The following PPP4R4 variants were observed in gnomAD, a reference collection of about 807,000 sequenced individuals.
PPP4R4 encodes serine/threonine-protein phosphatase 4 regulatory subunit 4.
Under a neutral mutation model 121.8 loss-of-function variants are expected in PPP4R4, and 70 were observed. The observed-to-expected ratio is 0.57, with a 90% CI of 0.47 to 0.70. PPP4R4 has a LOEUF of 0.70. Among genes scored for constraint, PPP4R4 ranks in the 30% least tolerant of loss-of-function variants. The probability of loss-of-function intolerance (pLI) is 0.00; values close to 1 mark genes in which losing one functional copy is unlikely to be tolerated. For missense variants in PPP4R4, 875 were observed against 1,033.6 expected (o/e 0.85, Z 2.10); for synonymous variants, 348 against 355.7 (o/e 0.98, Z 0.24).
intron 3 of PPP4R4, among the ~76,000 whole-genome samples, chr14:94,214,554 A>G (rs1292041236): frequency 6.6e-6 from 1 of 151,944 alleles, no homozygotes; most frequent in East Asian, 1.9e-4. Context: ...GGAAAAAATA[A>G]TAATTTCTCC....
In PPP4R4 at chr14:94,278,965, T is replaced by G. The variant is rs1426449004; in HGVS notation, c.*322T>G. 1 of 179,266 alleles carries G rather than the reference T, an allele frequency of 5.6e-6. No individual in the cohort carries two copies. Among genetic ancestry groups the G allele is most frequent in the Admixed American group, 6.2e-5 (1 of 16,050 alleles). 11.1% of individuals were successfully genotyped at this position (179,266 alleles called of 1,614,324 possible). The stretch of plus-strand genomic sequence containing the variant: ...GCAAAAGAGACAAGTCTGCATTTAT[T>G]TGTGCAGGAAACCAGCCATTTAATT... On this transcript the variant is annotated 3_prime_UTR_variant, in exon 25 of 25. Transcript: ENST00000304338.
chr14:94,190,346 G>A (rs1889527347), intron 2 of PPP4R4, among the ~76,000 whole-genome samples: 1 of 152,038 alleles, frequency 6.6e-6, no homozygotes, highest in Non-Finnish European at 1.5e-5. Flanking sequence ...GGTGGCTCAC[G>A]CCTGTAATCC....
chr14:94,258,871 G>A (rs1893619953), intron 18 of PPP4R4, 47 bp downstream of exon 18: 1 of 1,488,248 alleles, frequency 6.7e-7, no homozygotes, highest in Non-Finnish European at 9.3e-7. Flanking sequence ...TTTTCATGCT[G>A]CTGAAAAAGA....
intron 23 of PPP4R4, among the ~76,000 whole-genome samples, chr14:94,271,596 C>T (rs141229414): frequency 4.6e-5 from 7 of 152,242 alleles, no homozygotes; most frequent in Non-Finnish European, 8.8e-5. Context: ...AGATCAGGAA[C>T]AAGACAATGA....
chr14:94,278,744 G>T lies in PPP4R4; in HGVS notation c.*101G>T. 8.1e-7 allele frequency: 1 copy of T among 1,233,288 alleles called. No individual in the cohort carries two copies. The highest frequency in any genetic ancestry group is 2.8e-5 in the Admixed American group (1 of 35,218). 76.4% of individuals were successfully genotyped at this position (1,233,288 alleles called of 1,614,324 possible). A position where few individuals can be genotyped will look rare whatever the true frequency, so the allele number is the denominator to read the frequency against. ...GGCTGGGGCTTTGTTTTTAAATTTTGGGTTTTTTTTTTTGTTGTTGTTAAT... is the reference window on the plus strand; with the variant it reads ...GGCTGGGGCTTTGTTTTTAAATTTTTGGTTTTTTTTTTTGTTGTTGTTAAT... On this transcript the variant is annotated 3_prime_UTR_variant, in exon 25 of 25. Transcript: ENST00000304338.
rs10134617 is a variant in PPP4R4, at chr14:94,190,937, A to G, written c.191+14810A>G. 2.0e-3 allele frequency among the ~76,000 whole-genome samples: 304 copies of G among 151,702 alleles called. 1 individual carries two copies. The highest frequency in any genetic ancestry group is 7.0e-3 in the African/African-American group (289 of 41,294). ...TACATTTCAAACTGTGACCCTACAT[A>G]TACAGACACGTTTGTGTGCATGTGT... On this transcript the variant is annotated intron_variant, in intron 2 of 24. Coordinates refer to ENST00000304338, the MANE Select transcript of PPP4R4 (RefSeq NM_058237.2).
rs149367695 is a variant in PPP4R4 at position 94,250,785 on chromosome 14, C to T, written c.1717+508C>T. Among the ~76,000 whole-genome samples, 38 of 152,000 alleles carry T rather than the reference C, an allele frequency of 2.5e-4. No homozygotes were observed. The East Asian group carries it at 7.1e-3, about 29-fold the overall frequency. ...TTAAGAGCTAAAATCAAGGCAAAAACATTTGGTTTATAGTATTGATTCTAG... is the reference window on the plus strand; with the variant it reads ...TTAAGAGCTAAAATCAAGGCAAAAATATTTGGTTTATAGTATTGATTCTAG... On this transcript the variant is annotated intron_variant, in intron 15 of 24. Transcript: ENST00000304338.
At position 94,263,504 on chromosome 14, in the gene PPP4R4, G is replaced by A. The variant is rs74074191; in HGVS notation, c.2128-1374G>A. Among the ~76,000 whole-genome samples the A allele has an allele frequency of 3.0e-3, 460 of 152,172 alleles. 1 individual carries two copies. Among genetic ancestry groups the A allele is most frequent in the African/African-American group, 0.011 (445 of 41,528 alleles). The stretch of plus-strand genomic sequence containing the variant: ...TTCTATTTCTATGCCAAGAATTTGT[G>A]TGACTAAAGTGGAAATTTTATTATT... On this transcript the variant is annotated intron_variant, in intron 19 of 24. Transcript: ENST00000304338.
intron 2 of PPP4R4, among the ~76,000 whole-genome samples, chr14:94,196,061 G>A (rs962779659): frequency 3.3e-5 from 5 of 150,912 alleles, no homozygotes; most frequent in African/African-American, 1.2e-4. Context: ...TTGCTTGGAT[G>A]CCCAAAGGAT....
chr14:94,208,856 T>TA (rs68147407), intron 3 of PPP4R4, among the ~76,000 whole-genome samples: 2 of 151,546 alleles, frequency 1.3e-5, no homozygotes, highest in African/African-American at 4.8e-5. Flanking sequence ...TAATTATTCT[T>TA]AAAAAAAAGT....
chr14:94,225,737 A>G (rs573795237), intron 3 of PPP4R4, among the ~76,000 whole-genome samples: 13 of 152,312 alleles, frequency 8.5e-5, no homozygotes, highest in Non-Finnish European at 1.5e-4. Flanking sequence ...CAGAATACGT[A>G]GTATGATGCT....
intron 19 of PPP4R4, 81 bp downstream of exon 19, chr14:94,259,450 T>C: frequency 7.2e-7 from 1 of 1,387,704 alleles, no homozygotes; most frequent in South Asian, 1.9e-5. Flanking sequence ...ATCATTTCTT[T>C]CCATTTCACC....
At chr14:94,197,758 C>T (rs1889961428) in intron 2 of PPP4R4, among the ~76,000 whole-genome samples, 1 of 152,152 alleles carries the variant, frequency 6.6e-6, no homozygotes, top group Non-Finnish European at 1.5e-5. Context: ...CTGCTTTCTG[C>T]CACTATAGTT....
chr14:94,220,019 C>T (rs28459978), intron 3 of PPP4R4, among the ~76,000 whole-genome samples: 2 of 151,944 alleles, frequency 1.3e-5, no homozygotes, highest in African/African-American at 2.4e-5. Flanking sequence ...GTCAGGAGTT[C>T]GAGGCCAGCC....
At chr14:94,232,345 C>A (rs1892082814) in intron 5 of PPP4R4, among the ~76,000 whole-genome samples, 1 of 152,132 alleles carries the variant, frequency 6.6e-6, no homozygotes, top group African/African-American at 2.4e-5. Flanking sequence ...TCTTTGTCTT[C>A]ATACAGTTTA....
chr14:94,219,169 T>C (rs867391425), intron 3 of PPP4R4, among the ~76,000 whole-genome samples: 6 of 143,958 alleles, frequency 4.2e-5, no homozygotes, highest in African/African-American at 1.5e-4. Flanking sequence ...AACCTCTGCC[T>C]CCCGGGTTCA....
chr14:94,272,293 T>C (rs780537417), intron 23 of PPP4R4, among the ~76,000 whole-genome samples: 1 of 152,184 alleles, frequency 6.6e-6, no homozygotes, highest in Non-Finnish European at 1.5e-5. Flanking sequence ...CAGTGTGGTA[T>C]TGGCAAAAGA....
At chr14:94,206,291 T>C (rs1181934865) in intron 2 of PPP4R4, among the ~76,000 whole-genome samples, 1 of 152,060 alleles carries the variant, frequency 6.6e-6, no homozygotes, top group Non-Finnish European at 1.5e-5. Flanking sequence ...TCCTGCTTTC[T>C]TTTGATTCAC....
At chr14:94,232,440 A>G (rs1351922857) in intron 5 of PPP4R4, among the ~76,000 whole-genome samples, 3 of 152,228 alleles carry the variant, frequency 2.0e-5, no homozygotes, top group African/African-American at 7.2e-5. Context: ...GATGCCAAAC[A>G]TCTAGATGAT....
Sources: gnomAD v4.1 joint callset for allele counts (sites outside exome capture counted in the v4.1 genomes callset) on GRCh38, gnomAD v4.1.1 for gene constraint, MANE v1.5 for transcripts, NCBI Gene and HGNC (gene_info 2026-07-23, HGNC 2026-07-21) for gene names.